Variants in RAP1A observed in about 807,000 individuals in gnomAD.
RAP1A encodes the protein RAP1A, member of RAS oncogene family.
Under a neutral mutation model 26.4 loss-of-function variants are expected in RAP1A, and 6 were observed. The ratio of observed to expected loss-of-function variants is 0.23; its 90% confidence interval spans 0.12 to 0.45. The LOEUF is 0.45. RAP1A is among the 20% of genes least tolerant of loss of function. The pLI is 0.99. For missense variants in RAP1A, 121 were observed against 217.2 expected (o/e 0.56, Z 2.78); for synonymous variants, 73 against 79.4 (o/e 0.92, Z 0.43).
chr1:111,637,224 A>T (rs986351552), intron 1 of RAP1A, among the ~76,000 whole-genome samples: 1 of 152,256 alleles, frequency 6.6e-6, no homozygotes, highest in Non-Finnish European at 1.5e-5. Context: ...GATATATCTT[A>T]GCTTTCCATG....
At chr1:111,702,058 G>GA (rs1478271719) in intron 4 of RAP1A, among the ~76,000 whole-genome samples, 1 of 152,128 alleles carries the variant, frequency 6.6e-6, no homozygotes, top group African/African-American at 2.4e-5. Context: ...TAACTCCCTG[G>GA]AATACAAGAA....
intron 1 of RAP1A, chr1:111,649,630 C>A: frequency 5.1e-6 from 1 of 194,958 alleles, no homozygotes; most frequent in East Asian, 1.3e-4. Context: ...GCCTAATATC[C>A]CTTTCTTCTT....
intron 1 of RAP1A, among the ~76,000 whole-genome samples, chr1:111,669,504 A>G (rs925125075): frequency 1.3e-5 from 2 of 152,210 alleles, no homozygotes; most frequent in African/African-American, 4.8e-5. Context: ...AGAAGGGGGC[A>G]ATACTCTAAG....
chr1:111,603,068 C>T (rs1048881778), intron 1 of RAP1A, among the ~76,000 whole-genome samples: 2 of 152,224 alleles, frequency 1.3e-5, no homozygotes, highest in Non-Finnish European at 2.9e-5. Context: ...CTTCACCCTA[C>T]TTCCCCACCT....
At chr1:111,575,146 T>A (rs890565166) in intron 1 of RAP1A, among the ~76,000 whole-genome samples, 1 of 152,090 alleles carries the variant, frequency 6.6e-6, no homozygotes, top group African/African-American at 2.4e-5. Flanking sequence ...TTTCTTTCTT[T>A]CTTTCTTTCT....
chr1:111,703,332 A>G lies in RAP1A; in HGVS notation c.184-4A>G. 6.5e-7 allele frequency: 1 copy of G among 1,532,476 alleles called. No homozygotes were observed. Among genetic ancestry groups the G allele is most frequent in the Non-Finnish European group, 8.8e-7 (1 of 1,135,946 alleles). The allele number at this position is 1,532,476 out of a possible 1,614,324, so 94.9% of individuals were successfully genotyped here. ...TTTATAATTGCATATTTTTTAAATC[A>G]TAGGAGCAATTTACAGCAATGAGGG... On this transcript the variant is annotated splice_region_variant and splice_polypyrimidine_tract_variant and intron_variant, in intron 4 of 7. Coordinates refer to ENST00000369709, the MANE Select transcript of RAP1A (RefSeq NM_002884.4).
At chr1:111,700,417 C>T (rs949882194) in intron 4 of RAP1A, among the ~76,000 whole-genome samples, 4 of 152,022 alleles carry the variant, frequency 2.6e-5, no homozygotes, top group Admixed American at 6.6e-5. Context: ...AAAGAGTGAG[C>T]GGGAGATGCC....
intron 1 of RAP1A, among the ~76,000 whole-genome samples, chr1:111,569,197 T>C (rs1417062579): frequency 6.6e-6 from 1 of 151,936 alleles, no homozygotes; most frequent in African/African-American, 2.4e-5. Context: ...GGTCAAGAGT[T>C]TGAGACCAGC....
In RAP1A at chr1:111,572,541, T is replaced by C. The variant is rs74109807; in HGVS notation, c.-28+30032T>C. ...TAGGCTGGACCAGATTATTTCTACT[T>C]CAGCAGTAGAGACAGGCCTGGGTGA... On this transcript the variant is annotated intron_variant, in intron 1 of 7. Coordinates refer to the RAP1A transcript ENST00000356415. 5.1e-3 allele frequency among the ~76,000 whole-genome samples: 777 copies of C among 152,342 alleles called. 5 individuals carry two copies. The highest frequency in any genetic ancestry group is 0.018 in the African/African-American group (736 of 41,578).
At chr1:111,558,917 A>C (rs1326927025) in intron 1 of RAP1A, among the ~76,000 whole-genome samples, 10 of 152,190 alleles carry the variant, frequency 6.6e-5, no homozygotes, top group African/African-American at 2.4e-4. Context: ...TGTAAAACGT[A>C]GTAACAAGTG....
intron 1 of RAP1A, among the ~76,000 whole-genome samples, chr1:111,646,730 G>A (rs569938677): frequency 5.3e-5 from 8 of 152,174 alleles, no homozygotes; most frequent in South Asian, 2.1e-4. Context: ...TAGTAGAGAC[G>A]GGGTTTCACT....
intron 1 of RAP1A, among the ~76,000 whole-genome samples, chr1:111,658,885 T>C (rs749333718): frequency 4.1e-4 from 62 of 152,232 alleles, no homozygotes; most frequent in Admixed American, 1.0e-3. Flanking sequence ...CTCCTTGCAG[T>C]ATCCATTTTT....
At position 111,546,937 on chromosome 1, in the gene RAP1A, T is replaced by C. The variant is rs114062715; in HGVS notation, c.-28+4428T>C. Among the ~76,000 whole-genome samples, 1,424 of 152,298 alleles carry C rather than the reference T, an allele frequency of 9.4e-3. 28 individuals are homozygous for C. Among genetic ancestry groups the C allele is most frequent in the African/African-American group, 0.033 (1,363 of 41,560 alleles). On this transcript the variant is annotated intron_variant, in intron 1 of 7. Transcript: ENST00000356415. The stretch of plus-strand genomic sequence containing the variant: ...TCCATATCGTCACCAACATTGTTAT[T>C]TTCTGTTTTGTTTTGTTTTGGTTTT...
intron 1 of RAP1A, among the ~76,000 whole-genome samples, chr1:111,552,426 A>G (rs1025521155): frequency 1.3e-5 from 2 of 152,226 alleles, no homozygotes; most frequent in Non-Finnish European, 2.9e-5. Context: ...TGCTGCAAGC[A>G]TTTGGTTAAT....
intron 1 of RAP1A, among the ~76,000 whole-genome samples, chr1:111,627,775 G>C (rs1176959367): frequency 6.6e-6 from 1 of 150,752 alleles, no homozygotes; most frequent in Admixed American, 6.6e-5. Context: ...TGGAATTTCA[G>C]CATTTTTTTT....
Position 111,555,438 on chromosome 1 carries a change from T to A in RAP1A, c.-28+12929T>A, listed in dbSNP as rs186000233. Among the ~76,000 whole-genome samples, 1,130 of 140,724 alleles carry A rather than the reference T, an allele frequency of 8.0e-3. 15 individuals carry two copies. The highest frequency in any genetic ancestry group is 0.029 in the African/African-American group (1,058 of 37,094). The allele number at this position is 140,724 out of a possible 152,430, so 92.3% of individuals were successfully genotyped here. The stretch of plus-strand genomic sequence containing the variant: ...TAACCAAATAGTTCCAGAAAAAAAA[T>A]TTTTAATGTAATAATTAAATTTGAA... On this transcript the variant is annotated intron_variant, in intron 1 of 7. Transcript: ENST00000356415.
intron 1 of RAP1A, among the ~76,000 whole-genome samples, chr1:111,555,362 TAAAAAAAAAA>T (rs397981230): frequency 6.1e-4 from 29 of 47,640 alleles, no homozygotes; most frequent in Middle Eastern, 0.024. Context: ...TGAGACTCTG[TAAAAAAAAAA>T]AAAAAAAAAA....
chr1:111,574,616 T>G (rs1457788715), intron 1 of RAP1A, among the ~76,000 whole-genome samples: 1 of 152,240 alleles, frequency 6.6e-6, no homozygotes, highest in Non-Finnish European at 1.5e-5. Context: ...TTTGCTTGTG[T>G]TATGTCTGAT....
chr1:111,645,293 A>G (rs891742998), intron 1 of RAP1A, among the ~76,000 whole-genome samples: 2 of 152,218 alleles, frequency 1.3e-5, no homozygotes, highest in African/African-American at 4.8e-5. Flanking sequence ...GTGAGAAGGG[A>G]CAGCCTCATC....
Sources: gnomAD v4.1 joint callset for allele counts (sites outside exome capture counted in the v4.1 genomes callset) on GRCh38, gnomAD v4.1.1 for gene constraint, MANE v1.5 for transcripts, NCBI Gene and HGNC (gene_info 2026-07-23, HGNC 2026-07-21) for gene names.